SMG6: variants seen among roughly 807,000 people sequenced by gnomAD.
The protein encoded by SMG6 is telomerase-binding protein EST1A.
Under a neutral mutation model 142.2 loss-of-function variants are expected in SMG6, and 66 were observed. The observed-to-expected ratio is 0.46, with a 90% CI of 0.38 to 0.57. SMG6 has a LOEUF of 0.57. SMG6 is among the 20% of genes least tolerant of loss of function. The pLI is 0.00. For missense variants in SMG6, 1,793 were observed against 1,832.0 expected (o/e 0.98, Z 0.39); for synonymous variants, 779 against 702.4 (o/e 1.11, Z -1.72).
intron 13 of SMG6, among the ~76,000 whole-genome samples, chr17:2,099,295 G>C (rs2068943469): frequency 6.6e-6 from 1 of 151,946 alleles, no homozygotes; most frequent in South Asian, 2.1e-4. Flanking sequence ...CCTCATGGGG[G>C]TTTGGACTCA....
At chr17:2,207,931 A>C (rs2072736640) in intron 10 of SMG6, among the ~76,000 whole-genome samples, 1 of 152,106 alleles carries the variant, frequency 6.6e-6, no homozygotes, top group Non-Finnish European at 1.5e-5. Context: ...AAAAGACCTA[A>C]CAGGTTTATT....
chr17:2,190,097 A>C (rs541927757), intron 10 of SMG6, among the ~76,000 whole-genome samples: 64 of 152,318 alleles, frequency 4.2e-4, no homozygotes, highest in Middle Eastern at 3.4e-3. Context: ...GAGATATGTA[A>C]GTTGTCAAGA....
At chr17:2,291,339 A>G (rs1351566821) in intron 6 of SMG6, among the ~76,000 whole-genome samples, 1 of 152,130 alleles carries the variant, frequency 6.6e-6, no homozygotes, top group African/African-American at 2.4e-5. Context: ...TCAGAAAAAA[A>G]AAAAAAGGAA....
At chr17:2,197,514 C>T (rs117104202) in intron 10 of SMG6, among the ~76,000 whole-genome samples, 9,766 of 152,056 alleles carry the variant, frequency 0.064, 454 homozygotes, top group Non-Finnish European at 0.098. Context: ...TGCAGTGACC[C>T]GTGACAGTGC....
chr17:2,268,242 T>C (rs1444773690), intron 8 of SMG6, among the ~76,000 whole-genome samples: 1 of 152,150 alleles, frequency 6.6e-6, no homozygotes, highest in Non-Finnish European at 1.5e-5. Context: ...GTACTGGCTC[T>C]CAAACTATAA....
intron 12 of SMG6, among the ~76,000 whole-genome samples, chr17:2,182,591 T>G (rs539680780): frequency 3.3e-5 from 5 of 152,222 alleles, no homozygotes; most frequent in South Asian, 4.1e-4. Context: ...CCCAGAAATC[T>G]CTGCTTTAGC....
chr17:2,235,415 T>C (rs1029139472), intron 10 of SMG6, among the ~76,000 whole-genome samples: 3 of 152,156 alleles, frequency 2.0e-5, no homozygotes, highest in African/African-American at 7.2e-5. Context: ...AAGTGTGGCA[T>C]ATTCACTCCC....
At chr17:2,185,852 T>C (rs1222580536) in intron 12 of SMG6, among the ~76,000 whole-genome samples, 1 of 152,052 alleles carries the variant, frequency 6.6e-6, no homozygotes, top group Non-Finnish European at 1.5e-5. Flanking sequence ...GAGATGTGCA[T>C]GCATTCAGCC....
intron 13 of SMG6, among the ~76,000 whole-genome samples, chr17:2,145,320 TC>T (rs1390963186): frequency 6.6e-6 from 1 of 151,190 alleles, no homozygotes; most frequent in Non-Finnish European, 1.5e-5. Context: ...AGACAGGGTT[TC>T]CCCCAGGCTG....
intron 10 of SMG6, among the ~76,000 whole-genome samples, chr17:2,194,100 C>T (rs1264891489): frequency 6.6e-6 from 1 of 152,124 alleles, no homozygotes; most frequent in Non-Finnish European, 1.5e-5. Flanking sequence ...CAGAAGAGAC[C>T]ATTTCTAAGG....
chr17:2,095,770 C>T (rs1051780042), intron 13 of SMG6, among the ~76,000 whole-genome samples: 2 of 152,150 alleles, frequency 1.3e-5, no homozygotes, highest in Non-Finnish European at 2.9e-5. Context: ...CCGAGGAAGT[C>T]GGGATGGAAA....
At position 2,194,456 on chromosome 17, in the gene SMG6, T is replaced by C. The variant is rs1022529813; in HGVS notation, c.2870-5941A>G. ...AGCGAAATTACATGTAAAGCACTCA[T>C]AAAGTTTATAATGCCAAGTAAGGGT... On this transcript the variant is annotated intron_variant, in intron 10 of 18. Transcript: ENST00000263073. Among the ~76,000 whole-genome samples the C allele has an allele frequency of 6.6e-5, 10 of 152,166 alleles. No homozygotes were observed. The South Asian group carries it at 1.2e-3, about 19-fold the overall frequency.
At chr17:2,072,106 C>T (rs375671934) in intron 15 of SMG6, 12 of 152,296 alleles carry the variant, frequency 7.9e-5, no homozygotes, top group East Asian at 7.7e-4. Context: ...GGAAGCATGC[C>T]GCTGCAGAGT....
At chr17:2,143,116 G>A (rs756635393) in intron 13 of SMG6, among the ~76,000 whole-genome samples, 5 of 152,124 alleles carry the variant, frequency 3.3e-5, no homozygotes, top group Non-Finnish European at 5.9e-5. Context: ...TACATTTGCT[G>A]CTAGTGAGAA....
intron 10 of SMG6, among the ~76,000 whole-genome samples, chr17:2,207,302 C>G (rs1016971696): frequency 1.3e-5 from 2 of 151,848 alleles, no homozygotes; most frequent in Admixed American, 6.6e-5. Flanking sequence ...CAAAACACAA[C>G]AAACAAAAAA....
chr17:2,141,380 G>A (rs2070475227), intron 13 of SMG6, among the ~76,000 whole-genome samples: 1 of 152,200 alleles, frequency 6.6e-6, no homozygotes, highest in Non-Finnish European at 1.5e-5. Context: ...GTGATTTTGA[G>A]AAAACTTTTA....
At chr17:2,087,758 G>A in intron 13 of SMG6, 6 of 986,074 alleles carry the variant, frequency 6.1e-6, no homozygotes, top group Non-Finnish European at 7.2e-6. Flanking sequence ...GCCGAAATGA[G>A]TAATAGCCTG....
intron 10 of SMG6, among the ~76,000 whole-genome samples, chr17:2,207,068 T>C (rs1257352449): frequency 6.9e-6 from 1 of 145,550 alleles, no homozygotes; most frequent in Non-Finnish European, 1.5e-5. Flanking sequence ...GGCCAGCAGT[T>C]CAAGACCATG....
chr17:2,222,020 C>A (rs1178025695), intron 10 of SMG6, among the ~76,000 whole-genome samples: 1 of 152,186 alleles, frequency 6.6e-6, no homozygotes, highest in Non-Finnish European at 1.5e-5. Flanking sequence ...CAGACGTCGG[C>A]CACGGCACCT....
Sources: allele counts gnomAD v4.1 joint callset (sites outside exome capture counted in the v4.1 genomes callset), GRCh38; gene constraint gnomAD v4.1.1; transcripts MANE v1.5; gene names NCBI Gene and HGNC (gene_info 2026-07-23, HGNC 2026-07-21).